The following CEBPZOS variants were observed in gnomAD, a reference collection of about 807,000 sequenced individuals.
CEBPZOS encodes the protein CEBPZ opposite strand.
In CEBPZOS, 10 loss-of-function variants were observed where a neutral mutation model predicts 4.8. The ratio of observed to expected loss-of-function variants is 2.07; its 90% CI spans 1.28 to 3.52. CEBPZOS has a LOEUF of 3.52. Ranked by LOEUF, CEBPZOS falls within the 30% of genes most tolerant of loss-of-function variation. The probability of loss-of-function intolerance (pLI) is 0.00; values close to 1 mark genes in which losing one functional copy is unlikely to be tolerated. For missense variants in CEBPZOS, 98 were observed against 43.6 expected (o/e 2.25, Z -3.51); for synonymous variants, 25 against 14.2 (o/e 1.77, Z -1.72).
chr2:37,211,530 T>C (rs1334030143), intron 4 of CEBPZOS: 1 of 285,048 alleles, frequency 3.5e-6, no homozygotes, highest in Non-Finnish European at 6.5e-6. Flanking sequence ...GAATACTGAT[T>C]AACTTTTATA....
Position 37,204,131 on chromosome 2 carries a change from G to T in CEBPZOS, c.*2271G>T, listed in dbSNP as rs547719706. The stretch of plus-strand genomic sequence containing the variant: ...TTGCATGCATTAGGAAGTTTTTTTT[G>T]GGTTTTATTCATCCTGTAGTGATGT... On this transcript the variant is annotated 3_prime_UTR_variant, in exon 5 of 5. Coordinates refer to ENST00000402297, the MANE Select transcript of CEBPZOS (RefSeq NM_001322374.2). The T allele has an allele frequency of 3.3e-5, 5 of 151,952 alleles. No individual in the cohort carries two copies. Among genetic ancestry groups the T allele is most frequent in the African/African-American group, 1.2e-4 (5 of 41,414 alleles). 9.4% of individuals were successfully genotyped at this position (151,952 alleles called of 1,614,324 possible).
intron 1 of CEBPZOS, among the ~76,000 whole-genome samples, chr2:37,199,371 T>TG (rs1404403019): frequency 7.2e-5 from 11 of 152,238 alleles, no homozygotes; most frequent in Admixed American, 7.2e-4. Flanking sequence ...TAACTCCCAG[T>TG]GCAGCTAAAA....
chr2:37,210,962 A>G, intron 4 of CEBPZOS: 1 of 1,457,634 alleles, frequency 6.9e-7, no homozygotes, highest in South Asian at 1.2e-5. Flanking sequence ...TTTCACATGG[A>G]CACTGCTTTT....
rs375852685 is a variant in CEBPZOS at position 37,203,010 on chromosome 2, T to TA, written c.*1158dup. The TA allele has an allele frequency of 1.5e-4, 230 of 1,526,618 alleles. No individual in the cohort carries two copies. The highest frequency in any genetic ancestry group is 2.6e-4 in the Admixed American group (12 of 45,812). The allele number at this position is 1,526,618 out of a possible 1,614,324, so 94.6% of individuals were successfully genotyped here. ...AGTTTCTTTTCTTTTTTCTTGGCCC[T>TA]AAAAAAAATTGTAAGTCTACATTAT... On this transcript the variant is annotated 3_prime_UTR_variant, in exon 5 of 5. Transcript: ENST00000402297.
In CEBPZOS at chr2:37,202,463, G is replaced by A. The variant is rs1209690676; in HGVS notation, c.*603G>A. ...AGTTCGAGACCAGCCTGGCCAACAT[G>A]GTGAAACCCTGTTTCTACTAAAAAT... is the stretch of plus-strand genomic sequence containing the variant. On this transcript the variant is annotated 3_prime_UTR_variant, in exon 5 of 5. Transcript: ENST00000402297. 1.6e-5 allele frequency: 3 copies of A among 190,614 alleles called. No individual in the cohort carries two copies. Among genetic ancestry groups the A allele is most frequent in the Non-Finnish European group, 2.2e-5 (2 of 91,956 alleles). The allele number at this position is 190,614 out of a possible 1,614,324, so 11.8% of individuals were successfully genotyped here.
chr2:37,198,198 A>G (rs1402159889), intron 1 of CEBPZOS, among the ~76,000 whole-genome samples: 1 of 152,138 alleles, frequency 6.6e-6, no homozygotes, highest in Non-Finnish European at 1.5e-5. Flanking sequence ...CAAGAGAGGC[A>G]TCTGTACTGA....
chr2:37,212,589 C>A, intron 4 of CEBPZOS: 1 of 537,038 alleles, frequency 1.9e-6, no homozygotes, highest in Non-Finnish European at 3.3e-6. Context: ...AGTTAAATCC[C>A]AAAACTAAAG....
chr2:37,197,643 G>T (rs986327596), intron 1 of CEBPZOS, among the ~76,000 whole-genome samples: 1 of 151,100 alleles, frequency 6.6e-6, no homozygotes, highest in Non-Finnish European at 1.5e-5. Flanking sequence ...AGGCCGAGGC[G>T]GGAGGATCAC....
chr2:37,205,845 G>GATA (rs1395997209), downstream of CEBPZOS, among the ~76,000 whole-genome samples: 18 of 152,080 alleles, frequency 1.2e-4, no homozygotes, highest in Non-Finnish European at 1.2e-4. Context: ...AATCTTGTAA[G>GATA]ATAATACTTT....
intron 2 of CEBPZOS, 22 bp downstream of exon 2, chr2:37,199,841 A>G: frequency 1.4e-6 from 1 of 716,216 alleles, no homozygotes; most frequent in East Asian, 2.7e-5. Flanking sequence ...TCAGAAGTTA[A>G]TGCTTTCTAA....
downstream of CEBPZOS, chr2:37,216,085 G>A: frequency 8.3e-7 from 1 of 1,208,764 alleles, no homozygotes. Flanking sequence ...TACAATTTAT[G>A]CATCTTTGTC....
chr2:37,198,036 C>G (rs529436559), intron 1 of CEBPZOS, among the ~76,000 whole-genome samples: 13 of 150,046 alleles, frequency 8.7e-5, no homozygotes, highest in Middle Eastern at 3.7e-3. Context: ...GGCGGGAGTC[C>G]CAGCTCCCAG....
intron 4 of CEBPZOS, chr2:37,210,948 C>A: frequency 1.6e-6 from 2 of 1,254,592 alleles, no homozygotes; most frequent in Non-Finnish European, 1.1e-6. Flanking sequence ...ATGATAATGA[C>A]ACCTTTCACA....
In CEBPZOS at chr2:37,204,640, G is replaced by A. The variant is rs554321049; in HGVS notation, c.*2780G>A. 1 of 152,106 alleles carries A rather than the reference G, an allele frequency of 6.6e-6. No individual in the cohort carries two copies. Among genetic ancestry groups the A allele is most frequent in the Admixed American group, 6.5e-5 (1 of 15,270 alleles). 9.4% of individuals were successfully genotyped at this position (152,106 alleles called of 1,614,324 possible). On this transcript the variant is annotated 3_prime_UTR_variant, in exon 5 of 5. Coordinates refer to ENST00000402297, the MANE Select transcript of CEBPZOS (RefSeq NM_001322374.2). ...CCCAGGCTGATTAAAGTTTCTATAAGGTATGTTTATTCTTAAGGATATCTA... is the reference window on the plus strand; with the variant it reads ...CCCAGGCTGATTAAAGTTTCTATAAAGTATGTTTATTCTTAAGGATATCTA...
At chr2:37,197,531 A>G (rs970554466) in intron 1 of CEBPZOS, among the ~76,000 whole-genome samples, 16 of 152,348 alleles carry the variant, frequency 1.1e-4, no homozygotes, top group African/African-American at 3.6e-4. Context: ...TCCTTGAATA[A>G]TGGAACTGGC....
In CEBPZOS at chr2:37,203,010, T is replaced by TAA; in HGVS notation, c.*1157_*1158dup. ...AGTTTCTTTTCTTTTTTCTTGGCCCTAAAAAAAATTGTAAGTCTACATTAT... is the reference window on the plus strand; with the variant it reads ...AGTTTCTTTTCTTTTTTCTTGGCCCTAAAAAAAAAATTGTAAGTCTACATTAT... On this transcript the variant is annotated 3_prime_UTR_variant, in exon 5 of 5. Transcript: ENST00000402297. The TAA allele has an allele frequency of 1.3e-6, 2 of 1,527,732 alleles. No individual in the cohort carries two copies. The highest frequency in any genetic ancestry group is 2.2e-5 in the Admixed American group (1 of 45,868). The allele number at this position is 1,527,732 out of a possible 1,614,324, so 94.6% of individuals were successfully genotyped here. A position where few individuals can be genotyped will look rare whatever the true frequency, so the allele number is the denominator to read the frequency against.
chr2:37,201,304 G>A (rs775075461), intron 3 of CEBPZOS: 31 of 536,752 alleles, frequency 5.8e-5, no homozygotes, highest in Non-Finnish European at 8.2e-5. Flanking sequence ...TGTAAACTCT[G>A]GAATCATTCA....
downstream of CEBPZOS, among the ~76,000 whole-genome samples, chr2:37,214,480 C>T (rs757129264): frequency 3.9e-5 from 6 of 151,928 alleles, no homozygotes; most frequent in Non-Finnish European, 8.8e-5. Flanking sequence ...ATATTAAAAT[C>T]TATATTAAAG....
downstream of CEBPZOS, among the ~76,000 whole-genome samples, chr2:37,206,705 C>T (rs1012868379): frequency 3.3e-5 from 5 of 152,198 alleles, no homozygotes; most frequent in Admixed American, 6.5e-5. Context: ...CAAAATAGAG[C>T]CTTCTTAAAA....
Sources: allele counts gnomAD v4.1 joint callset (sites outside exome capture counted in the v4.1 genomes callset), GRCh38; gene constraint gnomAD v4.1.1; transcripts MANE v1.5; gene names NCBI Gene and HGNC (gene_info 2026-07-23, HGNC 2026-07-21).